The following GABRG3 variants were observed in gnomAD, a reference collection of about 807,000 sequenced individuals.
GABRG3 encodes the protein gamma-aminobutyric acid type A receptor subunit gamma3.
Under a neutral mutation model 48.8 loss-of-function variants are expected in GABRG3, and 25 were observed. That is an observed-to-expected ratio of 0.51 (90% CI 0.37 to 0.72). GABRG3 has a LOEUF of 0.72. GABRG3 is among the 30% of genes least tolerant of loss of function. The pLI is 0.00. For missense variants in GABRG3, 394 were observed against 577.9 expected (o/e 0.68, Z 3.26); for synonymous variants, 227 against 217.6 (o/e 1.04, Z -0.38).
intron 5 of GABRG3, among the ~76,000 whole-genome samples, chr15:27,452,902 C>T (rs1176166400): frequency 1.3e-5 from 2 of 152,142 alleles, no homozygotes; most frequent in Non-Finnish European, 2.9e-5. Flanking sequence ...TGTTCATACA[C>T]ATATGAATGG....
chr15:27,227,576 A>T (rs1889663552), intron 3 of GABRG3, among the ~76,000 whole-genome samples: 1 of 152,062 alleles, frequency 6.6e-6, no homozygotes, highest in Admixed American at 6.6e-5. Context: ...AGTCCTAGCT[A>T]TTTGGAAGGC....
chr15:27,254,104 G>T (rs916694152), intron 3 of GABRG3, among the ~76,000 whole-genome samples: 1 of 152,142 alleles, frequency 6.6e-6, no homozygotes, highest in African/African-American at 2.4e-5. Flanking sequence ...TTTTTCTGTA[G>T]TTTTTGGATT....
chr15:27,281,428 G>T (rs2140479739), intron 3 of GABRG3, among the ~76,000 whole-genome samples: 1 of 150,354 alleles, frequency 6.7e-6, no homozygotes, highest in East Asian at 1.9e-4. Flanking sequence ...AAAATTGAAA[G>T]GATAGCATCT....
At chr15:27,450,315 C>T (rs1006137189) in intron 5 of GABRG3, among the ~76,000 whole-genome samples, 3 of 152,142 alleles carry the variant, frequency 2.0e-5, no homozygotes, top group Non-Finnish European at 4.4e-5. Context: ...AAATCCTCAA[C>T]AAAAGACTAG....
At chr15:27,460,074 C>T (rs1028596339) in intron 5 of GABRG3, among the ~76,000 whole-genome samples, 1 of 152,148 alleles carries the variant, frequency 6.6e-6, no homozygotes, top group East Asian at 1.9e-4. Context: ...GCCACAGCTG[C>T]ATTCCTGAAG....
rs563018968 is a variant in GABRG3 at position 27,168,584 on chromosome 15, G to T, written c.270+141763G>T. 2.0e-5 allele frequency among the ~76,000 whole-genome samples: 3 copies of T among 152,304 alleles called. No homozygotes were observed. The South Asian group carries it at 6.2e-4, about 32-fold the overall frequency. The stretch of plus-strand genomic sequence containing the variant: ...GCCCATCAACACAGTATCGCCTAAG[G>T]TGATGTGGTAGGAGGTGAGACCTTT... On this transcript the variant is annotated intron_variant, in intron 3 of 9. Coordinates refer to ENST00000615808, the MANE Select transcript of GABRG3 (RefSeq NM_033223.5).
intron 5 of GABRG3, among the ~76,000 whole-genome samples, chr15:27,426,706 C>A (rs1187093675): frequency 1.3e-5 from 2 of 152,204 alleles, no homozygotes; most frequent in Non-Finnish European, 1.5e-5. Context: ...GTGGTACACA[C>A]CTGTAGTCCC....
Position 27,535,313 on chromosome 15 carries a change from G to A in GABRG3, c.*2432G>A, listed in dbSNP as rs1259370659. 6.6e-6 allele frequency: 1 copy of A among 152,130 alleles called. No homozygotes were observed. The highest frequency in any genetic ancestry group is 1.9e-4 in the East Asian group (1 of 5,196). 9.4% of individuals were successfully genotyped at this position (152,130 alleles called of 1,614,324 possible). ...ACCTAAAACAACTTTTTATAACATGGATTTGTTTGATTTTACCTTAAAAGA... is the reference window on the plus strand; with the variant it reads ...ACCTAAAACAACTTTTTATAACATGAATTTGTTTGATTTTACCTTAAAAGA... On this transcript the variant is annotated 3_prime_UTR_variant, in exon 10 of 10. Transcript: ENST00000615808.
At chr15:27,284,454 C>T (rs759867434) in intron 3 of GABRG3, among the ~76,000 whole-genome samples, 11 of 152,160 alleles carry the variant, frequency 7.2e-5, no homozygotes, top group Non-Finnish European at 1.5e-4. Context: ...CATCTATATA[C>T]GTAAGAATAC....
At chr15:27,003,226 TA>T (rs1232584212) in intron 2 of GABRG3, among the ~76,000 whole-genome samples, 1 of 147,290 alleles carries the variant, frequency 6.8e-6, no homozygotes, top group African/African-American at 2.5e-5. Context: ...TTTATTTATT[TA>T]TTTATTTATT....
chr15:27,035,409 G>A (rs192086411), intron 3 of GABRG3, among the ~76,000 whole-genome samples: 1 of 152,186 alleles, frequency 6.6e-6, no homozygotes, highest in Non-Finnish European at 1.5e-5. Flanking sequence ...TCCTTCAAAT[G>A]TGTGAATAGC....
chr15:27,131,510 CTTTG>C (rs1390279514), intron 3 of GABRG3, among the ~76,000 whole-genome samples: 1 of 151,942 alleles, frequency 6.6e-6, no homozygotes, highest in Admixed American at 6.6e-5. Context: ...CTTAGAGTGT[CTTTG>C]TTTGGTGTTG....
chr15:27,532,910 A>G lies in GABRG3; in HGVS notation c.*29A>G, dbSNP rs1035758133. 5 of 1,604,128 alleles carry G rather than the reference A, an allele frequency of 3.1e-6. No individual in the cohort carries two copies. The Admixed American group carries it at 5.0e-5, about 16-fold the overall frequency. ...TTGCTCAGAGTGAAGAGTGAAGAGC[A>G]TTTGGTACACACTTGACCTTCTGTC... On this transcript the variant is annotated 3_prime_UTR_variant, in exon 10 of 10. Coordinates refer to ENST00000615808, the MANE Select transcript of GABRG3 (RefSeq NM_033223.5).
intron 3 of GABRG3, among the ~76,000 whole-genome samples, chr15:27,134,783 G>T (rs922721466): frequency 6.6e-6 from 1 of 152,186 alleles, no homozygotes; most frequent in East Asian, 1.9e-4. Flanking sequence ...TGGCATTGTG[G>T]AATTGAATAC....
At chr15:27,474,370 T>C (rs1889870907) in intron 5 of GABRG3, among the ~76,000 whole-genome samples, 1 of 152,186 alleles carries the variant, frequency 6.6e-6, no homozygotes, top group South Asian at 2.1e-4. Flanking sequence ...TAGAAATTAA[T>C]GATGAATTTA....
chr15:27,390,498 A>G (rs1329979581), intron 5 of GABRG3, among the ~76,000 whole-genome samples: 1 of 152,202 alleles, frequency 6.6e-6, no homozygotes, highest in Non-Finnish European at 1.5e-5. Context: ...AGTGAGTCCA[A>G]TAAACCTATA....
chr15:27,026,950 A>T (rs1895995184), intron 3 of GABRG3, 129 bp downstream of exon 3: 1 of 544,392 alleles, frequency 1.8e-6, no homozygotes, highest in African/African-American at 2.0e-5. Flanking sequence ...AATCTGTAAC[A>T]CTTATTGGAA....
chr15:27,002,354 T>C (rs140907914), intron 2 of GABRG3, among the ~76,000 whole-genome samples: 1 of 152,310 alleles, frequency 6.6e-6, no homozygotes, highest in East Asian at 1.9e-4. Flanking sequence ...CAAGCTATCC[T>C]TCAAAGATAG....
chr15:27,297,068 A>G (rs1892016378), intron 3 of GABRG3, among the ~76,000 whole-genome samples: 1 of 152,118 alleles, frequency 6.6e-6, no homozygotes, highest in African/African-American at 2.4e-5. Context: ...TTTTTAACAA[A>G]CAAGTTTAAA....
Sources: gnomAD v4.1 joint callset for allele counts (sites outside exome capture counted in the v4.1 genomes callset) on GRCh38, gnomAD v4.1.1 for gene constraint, MANE v1.5 for transcripts, NCBI Gene and HGNC (gene_info 2026-07-23, HGNC 2026-07-21) for gene names.